The following MAP3K2 variants were observed in gnomAD, a reference collection of about 807,000 sequenced individuals.
The protein encoded by MAP3K2 is mitogen-activated protein kinase kinase kinase 2.
Under a neutral mutation model 80.3 loss-of-function variants are expected in MAP3K2, and 24 were observed. The observed-to-expected ratio is 0.30, with a 90% CI of 0.22 to 0.42. The LOEUF is 0.42. Among genes scored for constraint, MAP3K2 ranks in the 10% least tolerant of loss-of-function variants. MAP3K2 has a pLI of 1.00. For synonymous variants in MAP3K2, 244 were observed against 253.7 expected (o/e 0.96, Z 0.36); for missense variants, 608 against 750.1 (o/e 0.81, Z 2.21).
At chr2:127,330,166 C>T (rs1030792613) in intron 6 of MAP3K2, among the ~76,000 whole-genome samples, 158 bp from the exon 7 acceptor site, 3 of 152,140 alleles carry the variant, frequency 2.0e-5, no homozygotes, top group Non-Finnish European at 4.4e-5. Context: ...TCTAAGTTGT[C>T]AGTTTCTATT....
intron 2 of MAP3K2, 21 bp downstream of exon 2, chr2:127,343,105 A>G: frequency 6.5e-7 from 1 of 1,548,162 alleles, no homozygotes; most frequent in Non-Finnish European, 8.7e-7. Flanking sequence ...TTGCTGAAAA[A>G]TGCTTTTAGT....
chr2:127,387,818 A>G lies in MAP3K2; in HGVS notation c.-432T>C. On this transcript the variant is annotated 5_prime_UTR_variant, in exon 1 of 17. Transcript: ENST00000682094. Reference sequence around the variant, plus strand: ...GACCGGAGAAGAGGCGGGAGTGGCGACTCTGCGGACAGGGGCGCCGAGCGT... The same window carrying G: ...GACCGGAGAAGAGGCGGGAGTGGCGGCTCTGCGGACAGGGGCGCCGAGCGT... 1 of 984,092 alleles carries G rather than the reference A, an allele frequency of 1.0e-6. No individual in the cohort carries two copies. The highest frequency in any genetic ancestry group is 1.2e-6 in the Non-Finnish European group (1 of 829,512). The allele number at this position is 984,092 out of a possible 1,614,324, so 61.0% of individuals were successfully genotyped here. A position where few individuals can be genotyped will look rare whatever the true frequency, so the allele number is the denominator to read the frequency against.
At chr2:127,342,388 G>GGTGT (rs56300936) in intron 2 of MAP3K2, among the ~76,000 whole-genome samples, 22,265 of 147,606 alleles carry the variant, frequency 0.15, 1,780 homozygotes, top group African/African-American at 0.2. Flanking sequence ...TCTTCATGAG[G>GGTGT]GTGTGTGTGT....
chr2:127,365,307 T>C (rs992749223), intron 1 of MAP3K2, among the ~76,000 whole-genome samples: 1 of 152,058 alleles, frequency 6.6e-6, no homozygotes, highest in East Asian at 1.9e-4. Flanking sequence ...CTCTCTCACA[T>C]TCCTATGAGC....
chr2:127,309,129 C>T (rs1035261891), intron 15 of MAP3K2, among the ~76,000 whole-genome samples: 2 of 152,144 alleles, frequency 1.3e-5, no homozygotes, highest in Non-Finnish European at 2.9e-5. Context: ...GCAAGAAGCC[C>T]ATGGATGAAG....
intron 1 of MAP3K2, among the ~76,000 whole-genome samples, chr2:127,386,468 C>CA (rs1397314492): frequency 5.9e-5 from 9 of 152,312 alleles, no homozygotes; most frequent in Non-Finnish European, 1.2e-4. Context: ...AATCCAGCAA[C>CA]AAATTTTGCA....
intron 1 of MAP3K2, among the ~76,000 whole-genome samples, chr2:127,351,465 T>C (rs1399785481): frequency 6.6e-6 from 1 of 152,070 alleles, no homozygotes; most frequent in East Asian, 1.9e-4. Flanking sequence ...GTGAAAAAAA[T>C]CTATTCTTCT....
chr2:127,381,430 C>T (rs72848623), intron 1 of MAP3K2, among the ~76,000 whole-genome samples: 7 of 152,070 alleles, frequency 4.6e-5, no homozygotes, highest in South Asian at 4.1e-4. Flanking sequence ...TCGTAACAAA[C>T]GATACTTTGA....
At position 127,323,455 on chromosome 2, in the gene MAP3K2, C is replaced by T. The variant is rs1573983656; in HGVS notation, c.838+447G>A. On this transcript the variant is annotated intron_variant, in intron 11 of 16. Coordinates refer to ENST00000682094, the MANE Select transcript of MAP3K2 (RefSeq NM_001371910.2). ...ATCCCAGCACTTTGGGAGGCTGAGG[C>T]AGGAGGACCGCTTGAGCCCAAGACT... Among the ~76,000 whole-genome samples, 3 of 152,000 alleles carry T rather than the reference C, an allele frequency of 2.0e-5. No homozygotes were observed. The South Asian group carries it at 6.2e-4, about 32-fold the overall frequency.
rs1476213180 is a variant in MAP3K2, at chr2:127,319,556, G to C, written c.1046-1239C>G. ...GCGCAGTGGCTCACCTGTAATCCCA[G>C]CACTTTGGGAGGCCGAGGCGGACAG... On this transcript the variant is annotated intron_variant, in intron 12 of 16. Coordinates refer to ENST00000682094, the MANE Select transcript of MAP3K2 (RefSeq NM_001371910.2). Among the ~76,000 whole-genome samples, 4 of 140,988 alleles carry C rather than the reference G, an allele frequency of 2.8e-5. No homozygotes were observed. In the East Asian group the frequency reaches 8.8e-4, roughly 31 times the overall value. 92.5% of individuals were successfully genotyped at this position (140,988 alleles called of 152,430 possible). A position where few individuals can be genotyped will look rare whatever the true frequency, so the allele number is the denominator to read the frequency against.
Position 127,387,966 on chromosome 2 carries a change from G to C in MAP3K2, c.-580C>G. ...GGCAGCCCGGCAGCCACTACACACGGACCCGTGACGTCGGGCGTAGCGCGG... is the reference window on the plus strand; with the variant it reads ...GGCAGCCCGGCAGCCACTACACACGCACCCGTGACGTCGGGCGTAGCGCGG... On this transcript the variant is annotated 5_prime_UTR_variant, in exon 1 of 17. Transcript: ENST00000682094. 1.4e-5 allele frequency: 14 copies of C among 984,514 alleles called. No homozygotes were observed. Among genetic ancestry groups the C allele is most frequent in the Non-Finnish European group, 1.7e-5 (14 of 829,660 alleles). 61.0% of individuals were successfully genotyped at this position (984,514 alleles called of 1,614,324 possible).
At position 127,326,674 on chromosome 2, in the gene MAP3K2, A is replaced by G; in HGVS notation, c.597+13T>C. The stretch of plus-strand genomic sequence containing the variant: ...TCTTTAAATTAAATTTAAAAAATCA[A>G]ACTTTTGCTTACTTGGTCCATGCTC... On this transcript the variant is annotated intron_variant, in intron 8 of 16. Coordinates refer to ENST00000682094, the MANE Select transcript of MAP3K2 (RefSeq NM_001371910.2). 2 of 1,537,302 alleles carry G rather than the reference A, an allele frequency of 1.3e-6. No homozygotes were observed. The highest frequency in any genetic ancestry group is 1.7e-6 in the Non-Finnish European group (2 of 1,143,156).
intron 1 of MAP3K2, among the ~76,000 whole-genome samples, chr2:127,370,593 G>T (rs1424004728): frequency 1.3e-5 from 2 of 152,174 alleles, no homozygotes; most frequent in Non-Finnish European, 2.9e-5. Context: ...TGGAGCCTGG[G>T]TTTCACAGGC....
At chr2:127,344,666 A>C (rs1686562377) in intron 1 of MAP3K2, among the ~76,000 whole-genome samples, 1 of 152,128 alleles carries the variant, frequency 6.6e-6, no homozygotes, top group Non-Finnish European at 1.5e-5. Flanking sequence ...TGTCTCGAAA[A>C]CATTTAAAAA....
rs1686150246 is a variant in MAP3K2 at position 127,326,824 on chromosome 2, G to A, written c.467-7C>T. On this transcript the variant is annotated splice_polypyrimidine_tract_variant and splice_region_variant and intron_variant, in intron 7 of 16. Coordinates refer to ENST00000682094, the MANE Select transcript of MAP3K2 (RefSeq NM_001371910.2). ...CTATCTCTACTAGTAGGACCTCAAG[G>A]AAGAAAAATAATGTAATTTATAATT... 3 of 1,529,886 alleles carry A rather than the reference G, an allele frequency of 2.0e-6. No homozygotes were observed. The highest frequency in any genetic ancestry group is 2.6e-6 in the Non-Finnish European group (3 of 1,136,398). 94.8% of individuals were successfully genotyped at this position (1,529,886 alleles called of 1,614,324 possible). A position where few individuals can be genotyped will look rare whatever the true frequency, so the allele number is the denominator to read the frequency against.
intron 1 of MAP3K2, among the ~76,000 whole-genome samples, chr2:127,371,546 T>A (rs78677894): frequency 6.6e-6 from 1 of 152,164 alleles, no homozygotes; most frequent in Non-Finnish European, 1.5e-5. Context: ...CTTGTTACAA[T>A]TGGCTTATAA....
At position 127,387,547 on chromosome 2, in the gene MAP3K2, C is replaced by T; in HGVS notation, c.-161G>A. On this transcript the variant is annotated 5_prime_UTR_variant, in exon 1 of 17. Transcript: ENST00000682094. ...GCCCCAGCGCGGCCTGTCACCGCGG[C>T]CCCAGGTCGGGGGCTGCCGCAGGGC... is the stretch of plus-strand genomic sequence containing the variant. The T allele has an allele frequency of 1.0e-6, 1 of 985,002 alleles. No individual in the cohort carries two copies. The highest frequency in any genetic ancestry group is 1.2e-6 in the Non-Finnish European group (1 of 829,758). The allele number at this position is 985,002 out of a possible 1,614,324, so 61.0% of individuals were successfully genotyped here. A position where few individuals can be genotyped will look rare whatever the true frequency, so the allele number is the denominator to read the frequency against.
At chr2:127,320,523 G>A (rs1685997020) in intron 12 of MAP3K2, among the ~76,000 whole-genome samples, 1 of 152,008 alleles carries the variant, frequency 6.6e-6, no homozygotes, top group African/African-American at 2.4e-5. Context: ...TAGGTAATAG[G>A]AATCCCAAAA....
intron 1 of MAP3K2, among the ~76,000 whole-genome samples, chr2:127,352,033 T>G (rs901413732): frequency 6.6e-6 from 1 of 152,000 alleles, no homozygotes; most frequent in Admixed American, 6.6e-5. Flanking sequence ...CGCACCACCA[T>G]GCCCAGCTAA....
Sources: gnomAD v4.1 joint callset for allele counts (sites outside exome capture counted in the v4.1 genomes callset) on GRCh38, gnomAD v4.1.1 for gene constraint, MANE v1.5 for transcripts, NCBI Gene and HGNC (gene_info 2026-07-23, HGNC 2026-07-21) for gene names.